PKMYT1: variants seen among roughly 807,000 people sequenced by gnomAD.
The protein encoded by PKMYT1 is membrane-associated tyrosine- and threonine-specific cdc2-inhibitory kinase.
PKMYT1 carries 35 observed loss-of-function variants against 49.7 expected under a neutral mutation model. The observed-to-expected ratio is 0.70, with a 90% CI of 0.54 to 0.93. PKMYT1 has a LOEUF of 0.93. Ranked by LOEUF, PKMYT1 falls within the 40% of genes least tolerant of loss-of-function variation. The pLI, the probability that PKMYT1 is intolerant of heterozygous loss-of-function variation, is 0.00. For missense variants in PKMYT1, 677 were observed against 673.1 expected (o/e 1.01, Z -0.06); for synonymous variants, 331 against 287.6 (o/e 1.15, Z -1.53).
intron 7 of PKMYT1, 167 bp downstream of exon 7, chr16:2,973,833 G>T: frequency 1.3e-6 from 1 of 762,962 alleles, no homozygotes; most frequent in Non-Finnish European, 2.1e-6. Flanking sequence ...ATGCCCAGCT[G>T]CATTAAGCCT....
chr16:2,974,088 C>G lies in PKMYT1; in HGVS notation c.1222G>C (p.Gly408Arg). 3.1e-6 allele frequency: 5 copies of G among 1,609,586 alleles called. No individual in the cohort carries two copies. Among genetic ancestry groups the G allele is most frequent in the African/African-American group, 1.3e-5 (1 of 75,036 alleles). ...GAGCCAGGCGGGGTGGCTGGCGGGC[C>G]CAGGGGCTGTAGCCAGCTGGCAGGG... ...AHPASWLQPL[G>R]PPATPPGSPP... Residue 408 changes from glycine (G) to arginine (R), a missense_variant, in exon 7 of 9, where the codon GGC becomes CGC. Transcript: ENST00000262300.
At chr16:2,974,453 A>G in intron 5 of PKMYT1, 36 bp from the exon 6 acceptor site, 1 of 1,585,240 alleles carries the variant, frequency 6.3e-7, no homozygotes, top group Non-Finnish European at 8.6e-7. Context: ...GGGTCCCAGA[A>G]CACCGACTGC....
chr16:2,977,987 G>GC (rs1466211666), intron 2 of PKMYT1, among the ~76,000 whole-genome samples: 1 of 152,180 alleles, frequency 6.6e-6, no homozygotes, highest in Non-Finnish European at 1.5e-5. Flanking sequence ...GGAACATGGA[G>GC]CCCCAGCTCA....
chr16:2,975,873 T>G lies in PKMYT1; in HGVS notation c.379-61A>C, dbSNP rs566213721. On this transcript the variant is annotated intron_variant, in intron 3 of 8. Transcript: ENST00000262300. ...GTGAGCCACAAGTGGCACAATCACATAGGGGGACAACCTGGCAGACCCCAT... is the reference window on the plus strand; with the variant it reads ...GTGAGCCACAAGTGGCACAATCACAGAGGGGGACAACCTGGCAGACCCCAT... 28 of 1,531,730 alleles carry G rather than the reference T, an allele frequency of 1.8e-5. No individual in the cohort carries two copies. In the Middle Eastern group the frequency reaches 8.7e-4, roughly 47 times the overall value. 94.9% of individuals were successfully genotyped at this position (1,531,730 alleles called of 1,614,324 possible).
chr16:2,979,637 C>T lies in PKMYT1; in HGVS notation c.10+11G>A. On this transcript the variant is annotated intron_variant, in intron 2 of 8. Coordinates refer to ENST00000262300, the MANE Select transcript of PKMYT1 (RefSeq NM_004203.5). ...ACCCAGTTCTCCCACCGTCCCTGCC[C>T]TACGACTTACGTTCTAGCATGACTG... 2 of 1,611,476 alleles carry T rather than the reference C, an allele frequency of 1.2e-6. No individual in the cohort carries two copies. Among genetic ancestry groups the T allele is most frequent in the Non-Finnish European group, 1.7e-6 (2 of 1,177,612 alleles).
chr16:2,973,969 C>G lies in PKMYT1; in HGVS notation c.1310+31G>C, dbSNP rs762506798. 7 of 1,607,606 alleles carry G rather than the reference C, an allele frequency of 4.4e-6. No homozygotes were observed. In the East Asian group the frequency reaches 1.3e-4, roughly 31 times the overall value. ...CCCGGTGATATCCCCCACCTTCCCCCTAGCCCCCCATACCCTGCACTTGAA... is the reference window on the plus strand; with the variant it reads ...CCCGGTGATATCCCCCACCTTCCCCGTAGCCCCCCATACCCTGCACTTGAA... On this transcript the variant is annotated intron_variant, in intron 7 of 8. Transcript: ENST00000262300.
intron 1 of PKMYT1, 24 bp downstream of exon 1, chr16:2,980,262 C>A (rs2151083576): frequency 6.5e-6 from 1 of 154,086 alleles, no homozygotes; most frequent in South Asian, 1.8e-4. Context: ...CGCCGAGGCC[C>A]CTCACGGCGG....
Position 2,975,310 on chromosome 16 carries a change from G to A in PKMYT1, c.872+9C>T, listed in dbSNP as rs373987173. The A allele has an allele frequency of 9.1e-5, 145 of 1,600,024 alleles. No individual in the cohort carries two copies. The African/African-American group carries it at 1.2e-3, about 14-fold the overall frequency. ...GCCTGCCAAACACCTGGCGTGCCCC[G>A]GTCCCCACCTGAACACATCCGCTGC... On this transcript the variant is annotated intron_variant, in intron 4 of 8. Coordinates refer to ENST00000262300, the MANE Select transcript of PKMYT1 (RefSeq NM_004203.5).
Position 2,973,170 on chromosome 16 carries a change from G to A in PKMYT1, c.1356C>T (p.Ser452=). The A allele has an allele frequency of 1.3e-6, 2 of 1,534,470 alleles. No homozygotes were observed. The highest frequency in any genetic ancestry group is 1.8e-6 in the Non-Finnish European group (2 of 1,134,906). ...TGCACCTGCTCCGGGGGGTGGAGGT[G>A]CTCCCCACAGTCCGGGCCAGGACAG... is the stretch of plus-strand genomic sequence containing the variant. ...PEAVLARTVG[S]TSTPRSRCTP... is the part of the protein sequence containing the mutation. Residue 452 remains serine, a synonymous_variant, in exon 8 of 9, where the codon AGC becomes AGT. Coordinates refer to ENST00000262300, the MANE Select transcript of PKMYT1 (RefSeq NM_004203.5).
At chr16:2,979,595 T>TG in intron 2 of PKMYT1, 53 bp downstream of exon 2, 1 of 1,440,558 alleles carries the variant, frequency 6.9e-7, no homozygotes, top group African/African-American at 1.4e-5. Context: ...CTCGGGGACC[T>TG]GGGCCTGTGC....
At chr16:2,974,522 G>A in intron 5 of PKMYT1, 28 bp downstream of exon 5, 1 of 1,535,122 alleles carries the variant, frequency 6.5e-7, no homozygotes, top group African/African-American at 1.4e-5. Context: ...GCCCGTGGCA[G>A]CACCCCCTCC....
At position 2,976,760 on chromosome 16, in the gene PKMYT1, G is replaced by A. The variant is rs376643567; in HGVS notation, c.282C>T (p.Ser94=). Residue 94 remains serine (S), a synonymous_variant, in exon 3 of 9, where the codon AGC becomes AGT. Transcript: ENST00000262300. ...FRGEASETLQ[S]PGYDPSRPES... ...CTGGCCGGCTTGGGTCATACCCAGG[G>A]CTCTGCAGAGTCTCTGAGGCCTCGC... The A allele has an allele frequency of 1.4e-4, 225 of 1,568,144 alleles. No homozygotes were observed. Among genetic ancestry groups the A allele is most frequent in the Non-Finnish European group, 1.8e-4 (212 of 1,154,280 alleles).
chr16:2,977,741 C>T (rs1277551066), intron 2 of PKMYT1, among the ~76,000 whole-genome samples: 1 of 152,318 alleles, frequency 6.6e-6, no homozygotes, highest in East Asian at 1.9e-4. Flanking sequence ...CCCCTCTCCC[C>T]CCGCCTAGCA....
At chr16:2,976,131 T>G (rs368137599) in intron 3 of PKMYT1, 2 of 359,946 alleles carry the variant, frequency 5.6e-6, no homozygotes, top group African/African-American at 2.1e-5. Flanking sequence ...GTGTGAAAAG[T>G]GGGCTCCCCT....
chr16:2,980,137 G>A (rs1037744339), intron 1 of PKMYT1, 149 bp downstream of exon 1: 6 of 180,872 alleles, frequency 3.3e-5, no homozygotes, highest in Non-Finnish European at 7.1e-5. Context: ...GGGGAGGACG[G>A]GAGGCAGGGG....
chr16:2,972,831 A>G lies in PKMYT1; in HGVS notation c.*122T>C. 1 of 1,533,382 alleles carries G rather than the reference A, an allele frequency of 6.5e-7. No individual in the cohort carries two copies. The highest frequency in any genetic ancestry group is 8.8e-7 in the Non-Finnish European group (1 of 1,135,458). The allele number at this position is 1,533,382 out of a possible 1,614,324, so 95.0% of individuals were successfully genotyped here. A position where few individuals can be genotyped will look rare whatever the true frequency, so the allele number is the denominator to read the frequency against. On this transcript the variant is annotated 3_prime_UTR_variant, in exon 9 of 9. Transcript: ENST00000262300. Reference sequence around the variant, plus strand: ...GCTTGGGTGCTCCCAAGGTTCAAATACTTTTTATTAGACACGGCCAGGCAG... The same window carrying G: ...GCTTGGGTGCTCCCAAGGTTCAAATGCTTTTTATTAGACACGGCCAGGCAG...
Position 2,979,712 on chromosome 16 carries a change from C to A in PKMYT1, c.-55G>T. ...GGGACGGGGGAGGCAGGAGCAGGGG[C>A]TCCCACGTGAATCCAGGGTGTCCCT... On this transcript the variant is annotated 5_prime_UTR_variant, in exon 2 of 9. Transcript: ENST00000262300. 3 of 1,612,538 alleles carry A rather than the reference C, an allele frequency of 1.9e-6. No individual in the cohort carries two copies. The highest frequency in any genetic ancestry group is 2.5e-6 in the Non-Finnish European group (3 of 1,179,210).
chr16:2,973,357 C>T (rs2072066709), intron 7 of PKMYT1, 142 bp from the exon 8 acceptor site: 2 of 1,542,702 alleles, frequency 1.3e-6, no homozygotes, highest in East Asian at 2.4e-5. Flanking sequence ...AAACTTGGTG[C>T]ACTCTGAAAG....
In PKMYT1 at chr16:2,974,281, T is replaced by G. The variant is rs1256653053; in HGVS notation, c.1116A>C (p.Ala372=). The G allele has an allele frequency of 1.3e-5, 20 of 1,579,996 alleles. No homozygotes were observed. The highest frequency in any genetic ancestry group is 1.3e-5 in the African/African-American group (1 of 74,104). Residue 372 remains alanine (A), a synonymous_variant, in exon 6 of 9, where the codon GCA becomes GCC. Coordinates refer to ENST00000262300, the MANE Select transcript of PKMYT1 (RefSeq NM_004203.5). ...PRAWGVLWCM[A]AEALSRGWAL... Reference sequence around the variant, plus strand: ...CCCACCCTCGGCTCAGGGCCTCCGCTGCCATGCACCACAGCACACCCCAGG... The same window carrying G: ...CCCACCCTCGGCTCAGGGCCTCCGCGGCCATGCACCACAGCACACCCCAGG...
Sources: gnomAD v4.1 joint callset for allele counts (sites outside exome capture counted in the v4.1 genomes callset) on GRCh38, gnomAD v4.1.1 for gene constraint, MANE v1.5 for transcripts, NCBI Gene and HGNC (gene_info 2026-07-23, HGNC 2026-07-21) for gene names.